STAG1: variants seen among roughly 807,000 people sequenced by gnomAD.
The protein encoded by STAG1 is STAG1 cohesin complex component, also known as cohesin subunit SA-1.
Under a neutral mutation model 170.9 loss-of-function variants are expected in STAG1, and 26 were observed. The observed-to-expected ratio is 0.15, with a 90% CI of 0.11 to 0.21. The LOEUF (loss-of-function observed/expected upper bound fraction) is 0.21, where lower values mean the gene tolerates loss of function less well. Among genes scored for constraint, STAG1 ranks in the 10% least tolerant of loss-of-function variants. The pLI is 1.00. For synonymous variants in STAG1, 514 were observed against 497.7 expected, an observed-to-expected ratio of 1.03 and a Z score of -0.44; for missense variants, 964 against 1,509.5, an observed-to-expected ratio of 0.64 and a Z score of 5.99.
At chr3:136,487,705 T>C (rs1289403978) in intron 9 of STAG1, among the ~76,000 whole-genome samples, 1 of 152,214 alleles carries the variant, frequency 6.6e-6, no homozygotes, top group East Asian at 1.9e-4. Context: ...TTACAACTGA[T>C]GTGGTAGTTT....
chr3:136,729,787 C>A (rs951135138), intron 1 of STAG1, among the ~76,000 whole-genome samples: 1 of 150,430 alleles, frequency 6.6e-6, no homozygotes, highest in South Asian at 2.1e-4. Context: ...CTATGTTGGC[C>A]AGGCTAGTCT....
chr3:136,688,723 A>G (rs747229302), intron 1 of STAG1, among the ~76,000 whole-genome samples: 2 of 152,170 alleles, frequency 1.3e-5, no homozygotes, highest in Non-Finnish European at 2.9e-5. Context: ...TGTTTTGACA[A>G]TGTCCTTACG....
At chr3:136,701,464 T>G (rs1943058921) in intron 1 of STAG1, among the ~76,000 whole-genome samples, 1 of 152,126 alleles carries the variant, frequency 6.6e-6, no homozygotes, top group Non-Finnish European at 1.5e-5. Context: ...GTGCTTACCC[T>G]ACACATTTTC....
chr3:136,502,968 C>T (rs1933559614), intron 7 of STAG1, among the ~76,000 whole-genome samples, 189 bp from the exon 8 acceptor site: 1 of 152,150 alleles, frequency 6.6e-6, no homozygotes, highest in African/African-American at 2.4e-5. Context: ...ATAATTTTCT[C>T]TACCTCAGCT....
chr3:136,750,748 A>G (rs891191964), intron 1 of STAG1, among the ~76,000 whole-genome samples: 3 of 152,238 alleles, frequency 2.0e-5, no homozygotes, highest in East Asian at 1.9e-4. Flanking sequence ...AATTTGTCTT[A>G]TAAGTATTCT....
chr3:136,371,162 G>C (rs889235533), intron 23 of STAG1, among the ~76,000 whole-genome samples: 1 of 152,152 alleles, frequency 6.6e-6, no homozygotes, highest in African/African-American at 2.4e-5. Flanking sequence ...GTCTTCTTTT[G>C]AGAAGTGCCT....
chr3:136,352,703 A>G (rs1178416170), intron 28 of STAG1, among the ~76,000 whole-genome samples: 1 of 152,124 alleles, frequency 6.6e-6, no homozygotes, highest in Non-Finnish European at 1.5e-5. Flanking sequence ...TTGTACTTTC[A>G]GTATAGTATT....
rs368144389 is a variant in STAG1, at chr3:136,385,297, A to G, written c.2278-7545T>C. ...GACCTGTCTCTACAATATATCAGCC[A>G]GGTGTGGTGACATGCACCTATAGTC... On this transcript the variant is annotated intron_variant, in intron 22 of 33. Transcript: ENST00000383202. Among the ~76,000 whole-genome samples the G allele has an allele frequency of 1.2e-4, 18 of 152,164 alleles. No homozygotes were observed. In the South Asian group the frequency reaches 3.7e-3, roughly 32 times the overall value.
intron 12 of STAG1, among the ~76,000 whole-genome samples, chr3:136,466,752 A>G (rs904115686): frequency 2.0e-5 from 3 of 152,166 alleles, no homozygotes; most frequent in African/African-American, 7.2e-5. Context: ...GCAGCCAGAG[A>G]GAAAGGTCGG....
intron 9 of STAG1, among the ~76,000 whole-genome samples, chr3:136,477,747 C>G (rs2089790274): frequency 6.6e-6 from 1 of 152,178 alleles, no homozygotes; most frequent in African/African-American, 2.4e-5. Context: ...AGAGTCACAA[C>G]ATCCAAGTAC....
chr3:136,338,320 A>G, intron 33 of STAG1, 43 bp from the exon 34 acceptor site: 1 of 1,587,944 alleles, frequency 6.3e-7, no homozygotes, highest in Non-Finnish European at 8.6e-7. Flanking sequence ...TTCATGCATA[A>G]ACAGGACCCA....
chr3:136,597,061 G>A lies in STAG1; in HGVS notation c.297+7248C>T, dbSNP rs535263365. ...CTGGCACCCCAATCTGCGCGACAGA[G>A]CGAGACTGTATCTTAAAAAAAAATT... is the stretch of plus-strand genomic sequence containing the variant. On this transcript the variant is annotated intron_variant, in intron 4 of 33. Transcript: ENST00000383202. 5.3e-5 allele frequency among the ~76,000 whole-genome samples: 8 copies of A among 152,248 alleles called. No homozygotes were observed. In the South Asian group the frequency reaches 1.7e-3, roughly 32 times the overall value.
chr3:136,736,832 GT>G (rs1344249838), intron 1 of STAG1: 6 of 1,583,640 alleles, frequency 3.8e-6, no homozygotes, highest in South Asian at 1.1e-5. Context: ...TTCCTTCTTT[GT>G]TTTTTTCGCT....
At chr3:136,394,251 T>G (rs2087089780) in intron 22 of STAG1, among the ~76,000 whole-genome samples, 1 of 152,118 alleles carries the variant, frequency 6.6e-6, no homozygotes, top group Non-Finnish European at 1.5e-5. Flanking sequence ...AAATTCATGC[T>G]TTTGAAGATT....
chr3:136,436,912 GA>G (rs2088478464), intron 15 of STAG1, among the ~76,000 whole-genome samples: 2 of 152,166 alleles, frequency 1.3e-5, no homozygotes, highest in South Asian at 4.2e-4. Flanking sequence ...CTTATCTTAG[GA>G]AAAACAAATG....
At chr3:136,642,928 T>G (rs1350349632) in intron 1 of STAG1, among the ~76,000 whole-genome samples, 1 of 152,208 alleles carries the variant, frequency 6.6e-6, no homozygotes, top group Non-Finnish European at 1.5e-5. Flanking sequence ...CATCTTCACA[T>G]GGCCATCTTC....
At chr3:136,693,599 T>A (rs1322033030) in intron 1 of STAG1, among the ~76,000 whole-genome samples, 1 of 152,192 alleles carries the variant, frequency 6.6e-6, no homozygotes, top group Non-Finnish European at 1.5e-5. Flanking sequence ...AATTGTTTTC[T>A]GTGGGTGAAT....
chr3:136,525,517 T>C (rs1011040466), intron 6 of STAG1, among the ~76,000 whole-genome samples: 1 of 152,160 alleles, frequency 6.6e-6, no homozygotes, highest in Non-Finnish European at 1.5e-5. Flanking sequence ...CAGTGGTCTA[T>C]CAATGTTGTT....
Position 136,466,729 on chromosome 3 carries a change from A to G in STAG1, c.1206-1741T>C, listed in dbSNP as rs536455815. ...GATTCACCAAAGTTGAAATGAAGGA[A>G]AAAATGTTAAGGGCAGCCAGAGAGA... On this transcript the variant is annotated intron_variant, in intron 12 of 33. Transcript: ENST00000383202. Among the ~76,000 whole-genome samples the G allele has an allele frequency of 5.6e-4, 86 of 152,310 alleles. 1 individual carries two copies. The highest frequency in any genetic ancestry group is 1.5e-3 in the African/African-American group (61 of 41,588).
Sources: allele counts gnomAD v4.1 joint callset (sites outside exome capture counted in the v4.1 genomes callset), GRCh38; gene constraint gnomAD v4.1.1; transcripts MANE v1.5; gene names NCBI Gene and HGNC (gene_info 2026-07-23, HGNC 2026-07-21).